DHDH: variants seen among roughly 807,000 people sequenced by gnomAD.
DHDH encodes the protein dihydrodiol dehydrogenase.
Under a neutral mutation model 33.2 loss-of-function variants are expected in DHDH, and 29 were observed. The ratio of observed to expected loss-of-function variants is 0.87; its 90% CI spans 0.65 to 1.19. The LOEUF is 1.19. DHDH is among the 50% of genes most tolerant of loss of function. The pLI, the probability that DHDH is intolerant of heterozygous loss-of-function variation, is 0.00. For synonymous variants in DHDH, 201 were observed against 187.9 expected (o/e 1.07, Z -0.57); for missense variants, 431 against 455.0 (o/e 0.95, Z 0.48).
intron 3 of DHDH, among the ~76,000 whole-genome samples, 163 bp downstream of exon 3, chr19:48,936,358 C>T (rs565644572): frequency 1.3e-5 from 2 of 152,268 alleles, no homozygotes; most frequent in Admixed American, 1.3e-4. Flanking sequence ...TTAGCAAACA[C>T]GGCAAGGCTT....
At position 48,933,752 on chromosome 19, in the gene DHDH, G is replaced by T. The variant is rs776072294; in HGVS notation, c.31G>T (p.Gly11Cys). ...GCTGCGCTGGGGCATCGTGTCTGTC[G>T]GCCTCATCTCCAGCGACTTCACAGC... MALRWGIVSV[G>C]LISSDFTAVL... Residue 11 changes from glycine to cysteine, a missense_variant, in exon 1 of 7, where the codon GGC (glycine) becomes TGC (cysteine). By Grantham distance (159) the Gly-to-Cys change is radical. Transcript: ENST00000221403. 1 of 1,613,334 alleles carries T rather than the reference G, an allele frequency of 6.2e-7. No individual in the cohort carries two copies. Among genetic ancestry groups the T allele is most frequent in the South Asian group, 1.1e-5 (1 of 91,082 alleles).
At chr19:48,936,715 C>A (rs6509411) in intron 3 of DHDH, among the ~76,000 whole-genome samples, 81,266 of 144,236 alleles carry the variant, frequency 0.56, 25,294 homozygotes, top group Non-Finnish European at 0.71. Context: ...AAAAAACAAA[C>A]AAAAAAAAAA....
intron 5 of DHDH, among the ~76,000 whole-genome samples, chr19:48,943,985 A>G (rs1023629507): frequency 6.6e-6 from 1 of 151,920 alleles, no homozygotes; most frequent in Non-Finnish European, 1.5e-5. Flanking sequence ...ACAGAGCGAG[A>G]CTCCATCTCA....
At chr19:48,943,524 T>G (rs1268541156) in intron 5 of DHDH, among the ~76,000 whole-genome samples, 1 of 151,380 alleles carries the variant, frequency 6.6e-6, no homozygotes, top group Non-Finnish European at 1.5e-5. Context: ...AAACCCCGTC[T>G]CTACTAAAAA....
rs1203063663 is a variant in DHDH, at chr19:48,939,488, A to C, written c.406A>C (p.Arg136=). The change falls in exon 4 of 7, where the codon AGG becomes CGG. Residue 136 remains arginine (R), a synonymous_variant. Transcript: ENST00000221403. ...CTTCTTTCCTGCCTCCGAGGCTCTGAGGTCTGTTTTGGCCCAGGGAACTCT... is the reference window on the plus strand; with the variant it reads ...CTTCTTTCCTGCCTCCGAGGCTCTGCGGTCTGTTTTGGCCCAGGGAACTCT... ...TRFFPASEAL[R]SVLAQGTLGD... is the part of the protein sequence containing the mutation. 2 of 1,613,656 alleles carry C rather than the reference A, an allele frequency of 1.2e-6. No homozygotes were observed. The highest frequency in any genetic ancestry group is 1.7e-6 in the Non-Finnish European group (2 of 1,179,794).
chr19:48,942,027 T>A (rs1401533833), intron 4 of DHDH, among the ~76,000 whole-genome samples: 8 of 134,642 alleles, frequency 5.9e-5, no homozygotes, highest in Admixed American at 2.3e-4. Flanking sequence ...TGTGTGTGTG[T>A]GATGGAGTCT....
intron 2 of DHDH, 51 bp downstream of exon 2, chr19:48,935,162 C>T (rs997892857): frequency 2.1e-6 from 3 of 1,407,278 alleles, no homozygotes; most frequent in East Asian, 2.6e-5. Context: ...GGAGCGGTGC[C>T]CCCTGGCTGC....
At position 48,939,592 on chromosome 19, in the gene DHDH, T is replaced by TA. The variant is rs1555793822; in HGVS notation, c.510_511insA (p.Gly171ArgfsTer35). The TA allele has an allele frequency of 1.2e-6, 2 of 1,613,676 alleles. No individual in the cohort carries two copies. The highest frequency in any genetic ancestry group is 2.2e-5 in the East Asian group (1 of 44,854). ...CCCGGGCCGTAGACCGGGCCCAGGCTGGGGGGGCCCTGCTGGACATCGGCA... is the reference window on the plus strand; with the variant it reads ...CCCGGGCCGTAGACCGGGCCCAGGCTAGGGGGGGCCCTGCTGGACATCGGCA... On this transcript the variant is annotated frameshift_variant, in exon 4 of 7. Transcript: ENST00000221403. LOFTEE classifies it high-confidence loss of function.
At chr19:48,943,586 C>T (rs1459277395) in intron 5 of DHDH, among the ~76,000 whole-genome samples, 5 of 151,838 alleles carry the variant, frequency 3.3e-5, no homozygotes. Context: ...AGCACTTTGG[C>T]AGCCCAGAGC....
At chr19:48,944,290 G>A in intron 5 of DHDH, 67 bp from the exon 6 acceptor site, 1 of 1,607,254 alleles carries the variant, frequency 6.2e-7, no homozygotes, top group Non-Finnish European at 8.5e-7. Context: ...CACCTGGCAT[G>A]TTCCTGGAGG....
intron 2 of DHDH, 137 bp from the exon 3 acceptor site, chr19:48,935,895 G>A (rs1221380445): frequency 4.1e-6 from 4 of 978,186 alleles, no homozygotes; most frequent in Admixed American, 5.9e-5. Context: ...CCTTCCTAAG[G>A]ACAGCTCCCT....
chr19:48,934,884 C>CT, intron 1 of DHDH, 116 bp from the exon 2 acceptor site: 1 of 723,324 alleles, frequency 1.4e-6, no homozygotes. Context: ...CCCGTCATCT[C>CT]TTCCCCCAGG....
At chr19:48,941,404 T>C (rs2037857800) in intron 4 of DHDH, among the ~76,000 whole-genome samples, 1 of 152,136 alleles carries the variant, frequency 6.6e-6, no homozygotes, top group South Asian at 2.1e-4. Context: ...TTTTTTTAGA[T>C]AGTATCTCAC....
rs546059210 is a variant in DHDH at position 48,939,582 on chromosome 19, G to A, written c.500G>A (p.Arg167Gln). 1.1e-5 allele frequency: 18 copies of A among 1,608,518 alleles called. No homozygotes were observed. Among genetic ancestry groups the A allele is most frequent in the South Asian group, 2.2e-5 (2 of 90,542 alleles). ...NLIHVPRAVDRAQAGGALLDI... is the reference protein window; with the variant it reads ...NLIHVPRAVDQAQAGGALLDI... ...ATCCACGTTCCCCGGGCCGTAGACC[G>A]GGCCCAGGCTGGGGGGGCCCTGCTG... The change falls in exon 4 of 7, where the codon CGG becomes CAG. Residue 167 changes from arginine to glutamine, a missense_variant. By Grantham distance (43) the Arg-to-Gln change is conservative (BLOSUM62 1). Transcript: ENST00000221403.
Position 48,944,966 on chromosome 19 carries a change from C to G in DHDH, c.*33C>G, listed in dbSNP as rs1246480390. ...CCGAATAAATAAAGACATCTTACATCTTCGTGGTAGTGGTTTGGCAGAAGC... is the reference window on the plus strand; with the variant it reads ...CCGAATAAATAAAGACATCTTACATGTTCGTGGTAGTGGTTTGGCAGAAGC... On this transcript the variant is annotated 3_prime_UTR_variant, in exon 7 of 7. Coordinates refer to ENST00000221403, the MANE Select transcript of DHDH (RefSeq NM_014475.4). The G allele has an allele frequency of 8.8e-6, 14 of 1,593,540 alleles. No individual in the cohort carries two copies. Among genetic ancestry groups the G allele is most frequent in the Non-Finnish European group, 1.2e-5 (14 of 1,161,940 alleles).
chr19:48,933,895 G>C, intron 1 of DHDH, 84 bp downstream of exon 1: 1 of 1,286,580 alleles, frequency 7.8e-7, no homozygotes, highest in Non-Finnish European at 1.1e-6. Flanking sequence ...TTAGGGTTCA[G>C]GACTAGTGAG....
intron 3 of DHDH, among the ~76,000 whole-genome samples, chr19:48,938,839 G>T (rs2037817386): frequency 6.6e-6 from 1 of 152,036 alleles, no homozygotes; most frequent in Non-Finnish European, 1.5e-5. Context: ...AATAGAGACG[G>T]GGTTTCACCG....
At position 48,943,830 on chromosome 19, in the gene DHDH, A is replaced by C. The variant is rs548555099; in HGVS notation, c.745-527A>C. On this transcript the variant is annotated intron_variant, in intron 5 of 6. Transcript: ENST00000221403. Reference sequence around the variant, plus strand: ...AACAAGAGCGAAACTCCGTCTCACAAAAAAAAAAAAAAAAATTAGTCAGGC... The same window carrying C: ...AACAAGAGCGAAACTCCGTCTCACACAAAAAAAAAAAAAAATTAGTCAGGC... Among the ~76,000 whole-genome samples the C allele has an allele frequency of 9.5e-4, 136 of 142,610 alleles. 1 individual carries two copies. The highest frequency in any genetic ancestry group is 3.4e-3 in the African/African-American group (128 of 37,602). The allele number at this position is 142,610 out of a possible 152,430, so 93.6% of individuals were successfully genotyped here.
chr19:48,943,085 T>A (rs2037888328), intron 5 of DHDH, among the ~76,000 whole-genome samples: 1 of 151,232 alleles, frequency 6.6e-6, no homozygotes, highest in Admixed American at 6.6e-5. Context: ...TATATATGTA[T>A]CCTTGGGCCT....
Sources: allele counts gnomAD v4.1 joint callset (sites outside exome capture counted in the v4.1 genomes callset), GRCh38; gene constraint gnomAD v4.1.1; transcripts MANE v1.5; gene names NCBI Gene and HGNC (gene_info 2026-07-23, HGNC 2026-07-21).